The following ACSM3 variants were observed in gnomAD, a reference collection of about 807,000 sequenced individuals.
ACSM3 encodes the protein acyl-CoA synthetase medium chain family member 3.
ACSM3 carries 61 observed loss-of-function variants against 74.1 expected under a neutral mutation model. The observed-to-expected ratio is 0.82, with a 90% CI of 0.67 to 1.02. ACSM3 has a LOEUF of 1.02. ACSM3 is among the 50% of genes least tolerant of loss of function. ACSM3 has a pLI of 0.00. For synonymous variants in ACSM3, 213 were observed against 241.5 expected (o/e 0.88, Z 1.09); for missense variants, 660 against 697.0 (o/e 0.95, Z 0.60).
chr16:20,749,157 C>T (rs2079971246), intron 1 of ACSM3: 1 of 151,960 alleles, frequency 6.6e-6, no homozygotes, highest in Non-Finnish European at 1.5e-5. Flanking sequence ...TCTATGTGCA[C>T]ATAGATATAC....
At chr16:20,695,585 A>G (rs2079685223) in intron 1 of ACSM3, among the ~76,000 whole-genome samples, 1 of 152,148 alleles carries the variant, frequency 6.6e-6, no homozygotes, top group South Asian at 2.1e-4. Context: ...TTACCTATCT[A>G]TTATCTATCT....
Position 20,792,110 on chromosome 16 carries a change from G to A in ACSM3, c.1435G>A (p.Asp479Asn), listed in dbSNP as rs1343740989. Residue 479 changes from aspartate (D) to asparagine (N), a missense_variant, in exon 11 of 14, where the codon GAT becomes AAT. Coordinates refer to ENST00000289416, the MANE Select transcript of ACSM3 (RefSeq NM_005622.4). ...TTTCTGGTTTGTTGCAAGAGCAGAT[G>A]ATGTCATATTATCCTCTGGGTAACT... Reference protein sequence around the residue: ...GYFWFVARADDVILSSGYRIG... With the variant: ...GYFWFVARADNVILSSGYRIG... The A allele has an allele frequency of 1.9e-6, 3 of 1,614,002 alleles. No homozygotes were observed. Among genetic ancestry groups the A allele is most frequent in the East Asian group, 4.5e-5 (2 of 44,898 alleles).
intron 1 of ACSM3, among the ~76,000 whole-genome samples, chr16:20,747,578 C>T (rs1213492255): frequency 6.6e-6 from 1 of 152,200 alleles, no homozygotes; most frequent in East Asian, 1.9e-4. Context: ...TTGGTCTCTC[C>T]TGTCCCTTAA....
intron 1 of ACSM3, chr16:20,738,925 G>A (rs760579363): frequency 6.2e-7 from 1 of 1,614,040 alleles, no homozygotes; most frequent in African/African-American, 1.3e-5. Context: ...TGAAGACAAC[G>A]TTATTTGCTC....
intron 2 of ACSM3, among the ~76,000 whole-genome samples, chr16:20,772,751 G>T (rs1036782740): frequency 2.0e-5 from 3 of 152,016 alleles, no homozygotes; most frequent in African/African-American, 7.3e-5. Flanking sequence ...ATGCTGTTTT[G>T]GTTACTATAG....
chr16:20,781,069 T>C lies in ACSM3; in HGVS notation c.878T>C (p.Ile293Thr), dbSNP rs773394496. Residue 293 changes from isoleucine to threonine, a missense_variant, in exon 6 of 14, where the codon ATC becomes ACC. Coordinates refer to ENST00000289416, the MANE Select transcript of ACSM3 (RefSeq NM_005622.4). ...TGGAGTAGTGTTTTTTCTCCGTGGA[T>C]CCAGGGAGCATGTGTATTCACACAC... ...SAWSSVFSPW[I>T]QGACVFTHHL... 1 of 1,614,184 alleles carries C rather than the reference T, an allele frequency of 6.2e-7. No homozygotes were observed. Among genetic ancestry groups the C allele is most frequent in the Non-Finnish European group, 8.5e-7 (1 of 1,180,034 alleles).
chr16:20,767,451 A>G (rs1232783519), intron 1 of ACSM3, among the ~76,000 whole-genome samples: 1 of 15,000 alleles, frequency 6.7e-5, no homozygotes, highest in Admixed American at 5.3e-4. Flanking sequence ...CGGGAGGCGG[A>G]GCTTGCAGTG....
chr16:20,765,761 G>A (rs2080119181), intron 1 of ACSM3, among the ~76,000 whole-genome samples: 1 of 152,182 alleles, frequency 6.6e-6, no homozygotes, highest in Non-Finnish European at 1.5e-5. Context: ...GTCTGTTTGT[G>A]TATACTTCCT....
At chr16:20,708,984 A>C (rs1396603666) in intron 1 of ACSM3, among the ~76,000 whole-genome samples, 4 of 152,264 alleles carry the variant, frequency 2.6e-5, no homozygotes, top group Non-Finnish European at 4.4e-5. Flanking sequence ...TTTACAGTCA[A>C]TTGATTTTTG....
intron 2 of ACSM3, among the ~76,000 whole-genome samples, chr16:20,753,114 T>C (rs2080000863): frequency 6.6e-6 from 1 of 151,856 alleles, no homozygotes; most frequent in African/African-American, 2.4e-5. Flanking sequence ...TGCAATGTGT[T>C]GCCCTTGTTT....
rs2080272368 is a variant in ACSM3, at chr16:20,777,655, T to G, written c.638+75T>G. ...AATAAAAAGATATTAAACCCAGCAGTGATTAGAAAAATGCAAATTAAAACA... is the reference window on the plus strand; with the variant it reads ...AATAAAAAGATATTAAACCCAGCAGGGATTAGAAAAATGCAAATTAAAACA... On this transcript the variant is annotated intron_variant, in intron 4 of 13. Coordinates refer to ENST00000289416, the MANE Select transcript of ACSM3 (RefSeq NM_005622.4). 3.0e-6 allele frequency: 4 copies of G among 1,335,622 alleles called. No homozygotes were observed. The East Asian group carries it at 9.8e-5, about 33-fold the overall frequency. The allele number at this position is 1,335,622 out of a possible 1,614,324, so 82.7% of individuals were successfully genotyped here. A position where few individuals can be genotyped will look rare whatever the true frequency, so the allele number is the denominator to read the frequency against.
chr16:20,740,332 T>C (rs1234620636), intron 1 of ACSM3, among the ~76,000 whole-genome samples: 4 of 152,142 alleles, frequency 2.6e-5, no homozygotes, highest in African/African-American at 2.4e-5. Context: ...GAGGTGGAAG[T>C]TGCAGTGAGC....
At chr16:20,769,441 A>C (rs1026033048) in intron 1 of ACSM3, among the ~76,000 whole-genome samples, 3 of 152,216 alleles carry the variant, frequency 2.0e-5, no homozygotes, top group African/African-American at 4.8e-5. Context: ...CAACCTATCA[A>C]CTAGACAGTT....
rs114434491 is a variant in ACSM3, at chr16:20,771,683, G to C, written c.219+1430G>C. Among the ~76,000 whole-genome samples, 464 of 152,214 alleles carry C rather than the reference G, an allele frequency of 3.0e-3. 3 individuals are homozygous for C. Among genetic ancestry groups the C allele is most frequent in the African/African-American group, 0.011 (449 of 41,528 alleles). ...CCATATCTTGGCTATTATGTACAGTGCTGCAATAAACATGGCAGTGCAGAT... is the reference window on the plus strand; with the variant it reads ...CCATATCTTGGCTATTATGTACAGTCCTGCAATAAACATGGCAGTGCAGAT... On this transcript the variant is annotated intron_variant, in intron 2 of 13. Transcript: ENST00000289416.
intron 1 of ACSM3, among the ~76,000 whole-genome samples, chr16:20,708,853 CCT>C (rs1427639636): frequency 6.6e-6 from 1 of 152,152 alleles, no homozygotes; most frequent in Non-Finnish European, 1.5e-5. Context: ...CATCACACTC[CCT>C]GACTTCAATG....
At chr16:20,684,361 T>C (rs943423371) in intron 1 of ACSM3, among the ~76,000 whole-genome samples, 14 of 152,116 alleles carry the variant, frequency 9.2e-5, no homozygotes, top group Non-Finnish European at 1.8e-4. Flanking sequence ...CAAGGAAAAA[T>C]TGTGCCTTTG....
At chr16:20,760,610 G>A (rs1288312673), upstream of ACSM3, among the ~76,000 whole-genome samples, 1 of 152,144 alleles carries the variant, frequency 6.6e-6, no homozygotes, top group Non-Finnish European at 1.5e-5. Flanking sequence ...CACTGAGCCT[G>A]TAATAAACTT....
At chr16:20,675,497 T>G (rs1447420282) in intron 1 of ACSM3, among the ~76,000 whole-genome samples, 1 of 152,098 alleles carries the variant, frequency 6.6e-6, no homozygotes, top group Non-Finnish European at 1.5e-5. Context: ...CCCAGTCTGG[T>G]GGACCTTAGA....
chr16:20,727,818 T>C (rs1161833877), intron 1 of ACSM3, among the ~76,000 whole-genome samples: 7 of 151,870 alleles, frequency 4.6e-5, no homozygotes, highest in Non-Finnish European at 7.4e-5. Context: ...CTTAATGGAG[T>C]CTAAGGAGTA....
Sources: allele counts gnomAD v4.1 joint callset (sites outside exome capture counted in the v4.1 genomes callset), GRCh38; gene constraint gnomAD v4.1.1; transcripts MANE v1.5; gene names NCBI Gene and HGNC (gene_info 2026-07-23, HGNC 2026-07-21).